Variants in ITGAD observed in about 807,000 individuals in gnomAD.
ITGAD encodes integrin alpha-D.
ITGAD carries 105 observed loss-of-function variants against 139.0 expected under a neutral mutation model. The ratio of observed to expected loss-of-function variants is 0.76; its 90% confidence interval spans 0.65 to 0.89. The LOEUF (loss-of-function observed/expected upper bound fraction) is 0.89. Ranked by LOEUF, ITGAD falls within the 40% of genes least tolerant of loss-of-function variation. The pLI, the probability that ITGAD is intolerant of heterozygous loss-of-function variation, is 0.00. For missense variants in ITGAD, 1,384 were observed against 1,487.3 expected (o/e 0.93, Z 1.14); for synonymous variants, 569 against 598.3 (o/e 0.95, Z 0.71).
Position 31,410,834 on chromosome 16 carries a change from G to A in ITGAD, c.1312G>A (p.Val438Met). Reference protein sequence around the residue: ...HTGKAVIFTQVSRQWRKKAEV... With the variant: ...HTGKAVIFTQMSRQWRKKAEV... ...CGGGAAGGCTGTCATCTTCACCCAG[G>A]TGTCCAGGCAATGGAGGAAGAAGGC... The change falls in exon 12 of 30, where the codon GTG becomes ATG. Residue 438 changes from valine to methionine, a missense_variant. Physicochemically the swap from Val to Met is conservative, Grantham distance 21. Transcript: ENST00000389202. 3.1e-6 allele frequency: 5 copies of A among 1,613,886 alleles called. No individual in the cohort carries two copies. Among genetic ancestry groups the A allele is most frequent in the South Asian group, 2.2e-5 (2 of 91,076 alleles).
intron 14 of ITGAD, among the ~76,000 whole-genome samples, chr16:31,411,720 A>G (rs2081722610): frequency 6.6e-6 from 1 of 152,198 alleles, no homozygotes. Flanking sequence ...GCAGACTTTG[A>G]GGTCAGAGGC....
At position 31,407,922 on chromosome 16, in the gene ITGAD, T is replaced by C. The variant is rs1028277585; in HGVS notation, c.1009+6T>C. 2.5e-6 allele frequency: 4 copies of C among 1,576,774 alleles called. No individual in the cohort carries two copies. Among genetic ancestry groups the C allele is most frequent in the Admixed American group, 3.5e-5 (2 of 57,770 alleles). ...GAAGATCTATGCAGTTGAGGGTAAATGGAAGCAAGGGTGCGCCTGGGAGCC... is the reference window on the plus strand; with the variant it reads ...GAAGATCTATGCAGTTGAGGGTAAACGGAAGCAAGGGTGCGCCTGGGAGCC... On this transcript the variant is annotated splice_donor_region_variant and intron_variant, in intron 9 of 29. Transcript: ENST00000389202.
intron 14 of ITGAD, among the ~76,000 whole-genome samples, chr16:31,411,898 T>G (rs2081728048): frequency 6.6e-6 from 1 of 152,224 alleles, no homozygotes; most frequent in Non-Finnish European, 1.5e-5. Flanking sequence ...CAATCACCAC[T>G]GCACTCACTG....
Position 31,426,464 on chromosome 16 carries a change from G to A in ITGAD, c.*336G>A. 7.9e-6 allele frequency: 2 copies of A among 254,472 alleles called. No individual in the cohort carries two copies. Among genetic ancestry groups the A allele is most frequent in the Non-Finnish European group, 7.8e-6 (1 of 128,926 alleles). The allele number at this position is 254,472 out of a possible 1,614,324, so 15.8% of individuals were successfully genotyped here. A position where few individuals can be genotyped will look rare whatever the true frequency, so the allele number is the denominator to read the frequency against. The stretch of plus-strand genomic sequence containing the variant: ...CTGAGTGCCTCTCTGGGAATAGTCG[G>A]GGGAACCTATTTGTGGGCATTGAAA... On this transcript the variant is annotated 3_prime_UTR_variant, in exon 30 of 30. Coordinates refer to ENST00000389202, the MANE Select transcript of ITGAD (RefSeq NM_005353.3).
chr16:31,394,215 C>T (rs534310200), intron 1 of ITGAD, 21 bp from the exon 2 acceptor site: 39 of 1,546,624 alleles, frequency 2.5e-5, no homozygotes, highest in Non-Finnish European at 2.9e-5. Context: ...CCAGCCTCCC[C>T]GCCCACCAAA....
rs567268877 is a variant in ITGAD at position 31,425,823 on chromosome 16, C to T, written c.3373-192C>T. Among the ~76,000 whole-genome samples the T allele has an allele frequency of 2.9e-3, 445 of 152,046 alleles. 4 individuals carry two copies. Among genetic ancestry groups the T allele is most frequent in the African/African-American group, 0.01 (421 of 41,450 alleles). Reference sequence around the variant, plus strand: ...TCAGCCTCCTGAGTAGCTGGGATTACAGGCGCACCACCACACCCAGCTAAT... The same window carrying T: ...TCAGCCTCCTGAGTAGCTGGGATTATAGGCGCACCACCACACCCAGCTAAT... On this transcript the variant is annotated intron_variant, in intron 29 of 29. Coordinates refer to ENST00000389202, the MANE Select transcript of ITGAD (RefSeq NM_005353.3).
At chr16:31,393,421 C>T in intron 1 of ITGAD, 30 bp downstream of exon 1, 5 of 1,613,364 alleles carry the variant, frequency 3.1e-6, no homozygotes, top group Non-Finnish European at 4.2e-6. Flanking sequence ...TGGGGAGAAG[C>T]TTGGAGGAGT....
At chr16:31,420,131 C>A (rs560208967) in intron 23 of ITGAD, among the ~76,000 whole-genome samples, 5 of 152,156 alleles carry the variant, frequency 3.3e-5, no homozygotes, top group African/African-American at 1.2e-4. Flanking sequence ...GGAGCTTGTG[C>A]CCAACAGGAT....
intron 14 of ITGAD, among the ~76,000 whole-genome samples, chr16:31,412,281 T>A (rs971280703): frequency 1.1e-4 from 17 of 152,094 alleles, no homozygotes; most frequent in African/African-American, 2.9e-4. Context: ...TGACCTCAGG[T>A]GATCTGCTTG....
At chr16:31,425,902 A>T (rs920220854) in intron 29 of ITGAD, 113 bp from the exon 30 acceptor site, 1 of 658,358 alleles carries the variant, frequency 1.5e-6, no homozygotes. Flanking sequence ...GCTGGTCTCC[A>T]GCTCCTGACC....
intron 14 of ITGAD, among the ~76,000 whole-genome samples, chr16:31,412,488 GGCCAGCGGGTT>G (rs1416620972): frequency 2.0e-5 from 3 of 152,130 alleles, no homozygotes; most frequent in African/African-American, 7.2e-5. Flanking sequence ...CCATCTCTCT[GGCCAGCGGGTT>G]GCTGGAAAGA....
rs757764435 is a variant in ITGAD, at chr16:31,423,898, C to T, written c.3099C>T (p.Ser1033=). The part of the protein sequence containing the change: ...LQFRCDVPSF[S]VQEELDFTLK... ...TCCGCTGTGACGTCCCCTCCTTCAGCGTCCAGGAGGAGCTGGATTTCACCC... is the reference window on the plus strand; with the variant it reads ...TCCGCTGTGACGTCCCCTCCTTCAGTGTCCAGGAGGAGCTGGATTTCACCC... The change falls in exon 27 of 30, where the codon AGC becomes AGT. Residue 1033 remains serine (S), a synonymous_variant. Transcript: ENST00000389202. 3.0e-5 allele frequency: 48 copies of T among 1,614,118 alleles called. No individual in the cohort carries two copies. Among genetic ancestry groups the T allele is most frequent in the Middle Eastern group, 1.6e-4 (1 of 6,084 alleles).
chr16:31,423,005 G>T (rs537648305), intron 23 of ITGAD, 109 bp from the exon 24 acceptor site: 24 of 869,120 alleles, frequency 2.8e-5, no homozygotes, highest in African/African-American at 2.1e-4. Flanking sequence ...AATGTCCATC[G>T]TTATTTCCCT....
chr16:31,422,340 T>TGC (rs2082024681), intron 23 of ITGAD, among the ~76,000 whole-genome samples: 9 of 152,170 alleles, frequency 5.9e-5, no homozygotes, highest in African/African-American at 2.2e-4. Context: ...AGCCTGTGTT[T>TGC]GCTGAAGGAA....
At chr16:31,409,338 C>CA (rs34935482) in intron 10 of ITGAD, among the ~76,000 whole-genome samples, 72,338 of 143,772 alleles carry the variant, frequency 0.5, 18,220 homozygotes, top group Middle Eastern at 0.63. Context: ...CAAAACAAAG[C>CA]AAAAAAAAAC....
chr16:31,393,717 C>G (rs2081193779), intron 1 of ITGAD, among the ~76,000 whole-genome samples: 1 of 152,040 alleles, frequency 6.6e-6, no homozygotes. Flanking sequence ...ACAGAAGCCA[C>G]CAGGGAGGGG....
At chr16:31,416,438 C>T in intron 19 of ITGAD, 67 bp from the exon 20 acceptor site, 2 of 1,568,286 alleles carry the variant, frequency 1.3e-6, no homozygotes, top group Non-Finnish European at 8.7e-7. Flanking sequence ...GGGATTCTGC[C>T]CTGCCCTTCC....
intron 23 of ITGAD, among the ~76,000 whole-genome samples, chr16:31,419,618 C>T (rs1233641835): frequency 6.6e-6 from 1 of 151,914 alleles, no homozygotes; most frequent in Non-Finnish European, 1.5e-5. Flanking sequence ...CAAGACCAGC[C>T]TGGCCAACAT....
Position 31,414,244 on chromosome 16 carries a change from T to TATCCATCC in ITGAD, c.1997-206_1997-205insTCCATCCA, listed in dbSNP as rs1251605763. Among the ~76,000 whole-genome samples, 4 of 51,966 alleles carry TATCCATCC rather than the reference T, an allele frequency of 7.7e-5. No individual in the cohort carries two copies. In the Middle Eastern group the frequency reaches 0.027, roughly 354 times the overall value. 34.1% of individuals were successfully genotyped at this position (51,966 alleles called of 152,430 possible). A position where few individuals can be genotyped will look rare whatever the true frequency, so the allele number is the denominator to read the frequency against. ...ATCTATCATCTATTTATCTATTATCTAGCCATCCATCCATCCATCCATCCA... is the reference window on the plus strand; with the variant it reads ...ATCTATCATCTATTTATCTATTATCTATCCATCCAGCCATCCATCCATCCATCCATCCA... On this transcript the variant is annotated intron_variant, in intron 16 of 29. Transcript: ENST00000389202.
Sources: allele counts gnomAD v4.1 joint callset (sites outside exome capture counted in the v4.1 genomes callset), GRCh38; gene constraint gnomAD v4.1.1; transcripts MANE v1.5; gene names NCBI Gene and HGNC (gene_info 2026-07-23, HGNC 2026-07-21).